Variants in PPEF1 observed in about 807,000 individuals in gnomAD.
PPEF1 encodes serine/threonine-protein phosphatase with EF-hands 1.
Under a neutral mutation model 53.3 loss-of-function variants are expected in PPEF1, and 12 were observed. The ratio of observed to expected loss-of-function variants is 0.23; its 90% CI spans 0.14 to 0.36. The LOEUF (loss-of-function observed/expected upper bound fraction) is 0.36, where lower values mean the gene tolerates loss of function less well. Among genes scored for constraint, PPEF1 ranks in the 10% least tolerant of loss-of-function variants. PPEF1 has a pLI of 1.00. For synonymous variants in PPEF1, 165 were observed against 176.7 expected, an observed-to-expected ratio of 0.93 and a Z score of 0.52; for missense variants, 334 against 490.4, an observed-to-expected ratio of 0.68 and a Z score of 3.01.
At chrX:18,722,633 T>G (rs1377823451) in intron 1 of PPEF1, among the ~76,000 whole-genome samples, 1 of 112,391 alleles carries the variant, frequency 8.9e-6, no homozygotes, top group Non-Finnish European at 1.9e-5. Flanking sequence ...CAACAAATAT[T>G]TATTCCTGCT....
chrX:18,675,924 C>G (rs904057618), exon 1 of PPEF1: 1 of 84,459 alleles, frequency 1.2e-5, no homozygotes, highest in Non-Finnish European at 2.1e-5. Context: ...TCACCATTCT[C>G]AAGCTTGAAA....
chrX:18,782,302 T>G (rs1006256812), intron 7 of PPEF1, 64 bp from the exon 8 acceptor site: 1 of 948,654 alleles, frequency 1.1e-6, no homozygotes, highest in South Asian at 2.1e-5. Context: ...GCTTCCCTTT[T>G]TGCATGACTC....
upstream of PPEF1, among the ~76,000 whole-genome samples, chrX:18,706,614 C>T (rs1307115836): frequency 2.9e-4 from 32 of 109,346 alleles, 2 homozygotes; most frequent in Non-Finnish European, 1.9e-5. Flanking sequence ...GGTGTGGTGG[C>T]GCATGCCTGT....
At chrX:18,731,765 A>G (rs2044842825) in intron 2 of PPEF1, among the ~76,000 whole-genome samples, 1 of 111,229 alleles carries the variant, frequency 9.0e-6, no homozygotes, top group Non-Finnish European at 1.9e-5. Flanking sequence ...TCATTTCCCC[A>G]TTTCCTTCCC....
intron 3 of PPEF1, among the ~76,000 whole-genome samples, chrX:18,742,033 G>T (rs772132571): frequency 1.4e-4 from 15 of 110,054 alleles, no homozygotes; most frequent in Non-Finnish European, 2.1e-4. Flanking sequence ...CCTGGCCTCG[G>T]GTGATTTGCC....
chrX:18,799,247 A>T (rs2046501177), intron 10 of PPEF1, among the ~76,000 whole-genome samples: 1 of 106,930 alleles, frequency 9.4e-6, no homozygotes, highest in Non-Finnish European at 1.9e-5. Context: ...AAAAAAAAAA[A>T]TGACATGGTC....
intron 12 of PPEF1, among the ~76,000 whole-genome samples, chrX:18,814,435 C>T (rs1210137078): frequency 1.8e-5 from 2 of 112,133 alleles, no homozygotes; most frequent in African/African-American, 6.5e-5. Flanking sequence ...TCTACAGTGA[C>T]TGAACTAGTT....
rs752519801 is a variant in PPEF1 at position 18,759,742 on chromosome X, G to A, written c.512-1788G>A. ...TATTATAGTAGTATTTTATAAATAAGTGCTGGTGATATAGAATTTCTATTT... is the reference window on the plus strand; with the variant it reads ...TATTATAGTAGTATTTTATAAATAAATGCTGGTGATATAGAATTTCTATTT... On this transcript the variant is annotated intron_variant, in intron 5 of 15. Transcript: ENST00000470157. Among the ~76,000 whole-genome samples the A allele has an allele frequency of 7.1e-5, 8 of 111,920 alleles. No homozygotes were observed. In the South Asian group the frequency reaches 2.6e-3, roughly 36 times the overall value.
In PPEF1 at chrX:18,684,623, CT is replaced by C. The variant is rs746217885; in HGVS notation, c.-637-13del. Among the ~76,000 whole-genome samples, 233 of 100,549 alleles carry C rather than the reference CT, an allele frequency of 2.3e-3. 2 individuals are homozygous for C. The highest frequency in any genetic ancestry group is 4.9e-3 in the East Asian group (16 of 3,278). 87.3% of individuals were successfully genotyped at this position (100,549 alleles called of 115,157 possible). A position where few individuals can be genotyped will look rare whatever the true frequency, so the allele number is the denominator to read the frequency against. On this transcript the variant is annotated intron_variant, in intron 1 of 21. Coordinates refer to the PPEF1 transcript ENST00000361511. ...GTGTCTAGTATCTTTTTCTCTCTCT[CT>C]TTTTTTTTTTTTTTTAATTTGAGGC...
intron 10 of PPEF1, among the ~76,000 whole-genome samples, chrX:18,800,957 C>A (rs919690506): frequency 2.7e-5 from 3 of 111,751 alleles, no homozygotes; most frequent in African/African-American, 9.8e-5. Context: ...CCTAACAAAG[C>A]CCAACTCCTT....
intron 1 of PPEF1, among the ~76,000 whole-genome samples, chrX:18,677,424 A>G (rs753374515): frequency 2.2e-4 from 25 of 111,542 alleles, no homozygotes; most frequent in Middle Eastern, 9.2e-3. Flanking sequence ...TAAAACCACA[A>G]TCTCTTACAT....
chrX:18,687,080 G>T (rs1268842900), intron 3 of PPEF1, among the ~76,000 whole-genome samples: 1 of 111,477 alleles, frequency 9.0e-6, no homozygotes, highest in Non-Finnish European at 1.9e-5. Flanking sequence ...TAGGGGGAAG[G>T]ACAAAAGAGA....
intron 9 of PPEF1, among the ~76,000 whole-genome samples, chrX:18,786,683 T>C (rs2046208650): frequency 9.6e-6 from 1 of 104,106 alleles, no homozygotes; most frequent in Non-Finnish European, 1.9e-5. Flanking sequence ...CTTGGGAGGC[T>C]GAGGCAGGAG....
intron 9 of PPEF1, among the ~76,000 whole-genome samples, chrX:18,785,481 T>C (rs2046179668): frequency 9.0e-6 from 1 of 110,984 alleles, no homozygotes; most frequent in Non-Finnish European, 1.9e-5. Context: ...GTGGTGATTT[T>C]ACATACCACC....
intron 3 of PPEF1, among the ~76,000 whole-genome samples, chrX:18,739,618 G>A (rs1602399661): frequency 8.9e-6 from 1 of 112,190 alleles, no homozygotes; most frequent in African/African-American, 3.2e-5. Context: ...TCCGTTGTCA[G>A]ATCTCATACT....
At chrX:18,761,178 C>T (rs1425294199) in intron 5 of PPEF1, among the ~76,000 whole-genome samples, 1 of 111,419 alleles carries the variant, frequency 9.0e-6, no homozygotes, top group Admixed American at 9.5e-5. Flanking sequence ...CTACTGTGAG[C>T]CTCATTTGTA....
chrX:18,690,169 C>T (rs920939452), intron 3 of PPEF1, among the ~76,000 whole-genome samples: 4 of 110,864 alleles, frequency 3.6e-5, no homozygotes, highest in African/African-American at 1.3e-4. Flanking sequence ...TAGAACAGTA[C>T]CCGGCACATA....
chrX:18,821,754 A>G (rs1001365489), intron 13 of PPEF1, among the ~76,000 whole-genome samples: 2 of 76,273 alleles, frequency 2.6e-5, no homozygotes, highest in Non-Finnish European at 4.9e-5. Flanking sequence ...TGACGAAACC[A>G]TGGCGAGAGA....
chrX:18,733,990 G>C (rs2044901247), intron 3 of PPEF1, among the ~76,000 whole-genome samples, 182 bp downstream of exon 3: 1 of 111,303 alleles, frequency 9.0e-6, no homozygotes, highest in Non-Finnish European at 1.9e-5. Flanking sequence ...TCTCTGGATG[G>C]TGTCAACTAA....
Sources: gnomAD v4.1 joint callset for allele counts (sites outside exome capture counted in the v4.1 genomes callset) on GRCh38, gnomAD v4.1.1 for gene constraint, MANE v1.5 for transcripts, NCBI Gene and HGNC (gene_info 2026-07-23, HGNC 2026-07-21) for gene names.